Variants in GRB14 observed in about 807,000 individuals in gnomAD.
GRB14 encodes growth factor receptor-bound protein 14.
In GRB14, 38 loss-of-function variants were observed where a neutral mutation model predicts 69.1. The ratio of observed to expected loss-of-function variants is 0.55; its 90% CI spans 0.42 to 0.72. The LOEUF is 0.72. GRB14 is among the 30% of genes least tolerant of loss of function. GRB14 has a pLI of 0.00. For synonymous variants in GRB14, 247 were observed against 241.3 expected, an observed-to-expected ratio of 1.02 and a Z score of -0.22; for missense variants, 666 against 666.1, an observed-to-expected ratio of 1.00 and a Z score of 0.00.
chr2:164,527,034 C>T lies in GRB14; in HGVS notation c.583G>A (p.Glu195Lys). 1 of 1,598,168 alleles carries T rather than the reference C, an allele frequency of 6.3e-7. No individual in the cohort carries two copies. The highest frequency in any genetic ancestry group is 8.6e-7 in the Non-Finnish European group (1 of 1,168,928). ...CTTACCATTGGGTTTTTAAAGAACT[C>T]ATATTTGGCATAATTTTTTCTAAAG... ...LYFRKNYAKY[E>K]FFKNPMYFFP... The change falls in exon 4 of 14, where the codon GAG becomes AAG. Residue 195 changes from glutamate (E) to lysine (K), a missense_variant. Transcript: ENST00000263915.
At chr2:164,580,308 G>A (rs1689369198) in intron 2 of GRB14, among the ~76,000 whole-genome samples, 1 of 151,918 alleles carries the variant, frequency 6.6e-6, no homozygotes, top group Non-Finnish European at 1.5e-5. Context: ...GGCCAGGCTG[G>A]TCTCGAACTC....
chr2:164,548,054 T>C (rs914204443), intron 2 of GRB14, among the ~76,000 whole-genome samples: 2 of 152,180 alleles, frequency 1.3e-5, no homozygotes, highest in Non-Finnish European at 2.9e-5. Context: ...CCAAATTCAA[T>C]ACACTATTAT....
At chr2:164,595,381 A>G (rs1689758885) in intron 2 of GRB14, among the ~76,000 whole-genome samples, 1 of 152,278 alleles carries the variant, frequency 6.6e-6, no homozygotes. Flanking sequence ...TATACATGCT[A>G]TGAAAACAAA....
chr2:164,524,935 T>TA lies in GRB14; in HGVS notation c.678+68dup, dbSNP rs926263566. ...TAACTTTTCAAAATCTGGGCATGTA[T>TA]AAAAAAGGACTTAAAAGTTTTCCTT... is the stretch of plus-strand genomic sequence containing the variant. On this transcript the variant is annotated intron_variant, in intron 5 of 13. Coordinates refer to ENST00000263915, the MANE Select transcript of GRB14 (RefSeq NM_004490.3). 4 of 842,316 alleles carry TA rather than the reference T, an allele frequency of 4.7e-6. No individual in the cohort carries two copies. The African/African-American group carries it at 5.4e-5, about 11-fold the overall frequency. 52.2% of individuals were successfully genotyped at this position (842,316 alleles called of 1,614,324 possible).
At chr2:164,571,921 A>T (rs1263246191) in intron 2 of GRB14, among the ~76,000 whole-genome samples, 1 of 152,210 alleles carries the variant, frequency 6.6e-6, no homozygotes, top group African/African-American at 2.4e-5. Context: ...TTAGCATAAA[A>T]TGTCACATTC....
intron 2 of GRB14, among the ~76,000 whole-genome samples, chr2:164,589,299 T>C (rs1689605183): frequency 6.6e-6 from 1 of 152,354 alleles, no homozygotes; most frequent in East Asian, 1.9e-4. Context: ...AAGCTCTACT[T>C]TGCAGTTTCA....
intron 9 of GRB14, among the ~76,000 whole-genome samples, chr2:164,500,129 T>A (rs1396520933): frequency 6.6e-6 from 1 of 152,066 alleles, no homozygotes; most frequent in Non-Finnish European, 1.5e-5. Flanking sequence ...AGACTCGCCT[T>A]CCCCAACCCT....
At chr2:164,511,455 G>A (rs1460978707) in intron 6 of GRB14, among the ~76,000 whole-genome samples, 1 of 152,118 alleles carries the variant, frequency 6.6e-6, no homozygotes, top group African/African-American at 2.4e-5. Flanking sequence ...GAGTTGTGAG[G>A]CCCCTATTCA....
chr2:164,619,687 C>A lies in GRB14; in HGVS notation c.324G>T (p.Gln108His). 2 of 1,572,614 alleles carry A rather than the reference C, an allele frequency of 1.3e-6. No individual in the cohort carries two copies. The highest frequency in any genetic ancestry group is 1.4e-5 in the African/African-American group (1 of 72,430). Residue 108 changes from glutamine to histidine, a missense_variant and splice_region_variant, in exon 2 of 14, where the codon CAG becomes CAT. Gln to His is a conservative substitution (Grantham distance 24). Coordinates refer to ENST00000263915, the MANE Select transcript of GRB14 (RefSeq NM_004490.3). The stretch of plus-strand genomic sequence containing the variant: ...AAATTTAAAATTTAAAAATGCATAC[C>A]TGTTTTTTCCTTGAATTTGCTTTGG... ...LFPKANSRKK[Q>H]VIKVYSEDET...
chr2:164,493,219 A>T, intron 13 of GRB14, 37 bp from the exon 14 acceptor site: 1 of 1,591,452 alleles, frequency 6.3e-7, no homozygotes, highest in Non-Finnish European at 8.6e-7. Context: ...TAAAGAGGAT[A>T]AATTACACAG....
rs1480736490 is a variant in GRB14, at chr2:164,516,240, T to C, written c.816+5740A>G. Among the ~76,000 whole-genome samples, 6 of 152,028 alleles carry C rather than the reference T, an allele frequency of 3.9e-5. No individual in the cohort carries two copies. In the East Asian group the frequency reaches 9.7e-4, roughly 25 times the overall value. On this transcript the variant is annotated intron_variant, in intron 6 of 13. Transcript: ENST00000263915. ...ACACCTGGGAAATTAATCACAAAAATCATCACCTAGGGAAATAGTCATCAG... is the reference window on the plus strand; with the variant it reads ...ACACCTGGGAAATTAATCACAAAAACCATCACCTAGGGAAATAGTCATCAG...
chr2:164,572,831 GA>G (rs1222636267), intron 2 of GRB14, among the ~76,000 whole-genome samples: 1 of 152,122 alleles, frequency 6.6e-6, no homozygotes, highest in African/African-American at 2.4e-5. Context: ...AAGCAATAAG[GA>G]GATGTTTCTT....
intron 2 of GRB14, among the ~76,000 whole-genome samples, chr2:164,595,275 C>T (rs1358283309): frequency 6.6e-6 from 1 of 152,148 alleles, no homozygotes; most frequent in Non-Finnish European, 1.5e-5. Flanking sequence ...AAAGGCTCAG[C>T]GCTAACAATG....
At chr2:164,543,355 T>C (rs1407339225) in intron 3 of GRB14, among the ~76,000 whole-genome samples, 1 of 149,664 alleles carries the variant, frequency 6.7e-6, no homozygotes, top group East Asian at 2.0e-4. Context: ...TATGAAGCCA[T>C]AAAAAAAAGA....
At chr2:164,514,574 T>G (rs1687430118) in intron 6 of GRB14, among the ~76,000 whole-genome samples, 1 of 152,102 alleles carries the variant, frequency 6.6e-6, no homozygotes, top group South Asian at 2.1e-4. Context: ...AAGCCTTTTC[T>G]GACTGTCTCA....
At chr2:164,537,258 A>T (rs1688103571) in intron 3 of GRB14, among the ~76,000 whole-genome samples, 1 of 152,140 alleles carries the variant, frequency 6.6e-6, no homozygotes, top group Non-Finnish European at 1.5e-5. Context: ...TGCCATAAGT[A>T]TTTTTAAGAA....
At chr2:164,618,816 T>C (rs1459279519) in intron 2 of GRB14, among the ~76,000 whole-genome samples, 1 of 152,136 alleles carries the variant, frequency 6.6e-6, no homozygotes, top group Non-Finnish European at 1.5e-5. Context: ...TGGCCAACTG[T>C]CTTGTCCTCG....
At position 164,621,174 on chromosome 2, in the gene GRB14, G is replaced by T; in HGVS notation, c.136C>A (p.His46Asn). 1 of 1,244,058 alleles carries T rather than the reference G, an allele frequency of 8.0e-7. No homozygotes were observed. 77.1% of individuals were successfully genotyped at this position (1,244,058 alleles called of 1,614,324 possible). A position where few individuals can be genotyped will look rare whatever the true frequency, so the allele number is the denominator to read the frequency against. ...GGAAGGGGCAGGAGCGCTCGCGCGT[G>T]CAGCCAGGGGGCCGGCGCCAGGTCG... Reference protein sequence around the residue: ...AHDLAPAPWLHARALLPLPDG... With the variant: ...AHDLAPAPWLNARALLPLPDG... Residue 46 changes from histidine (H) to asparagine (N), a missense_variant, in exon 1 of 14, where the codon CAC (histidine) becomes AAC (asparagine). Coordinates refer to ENST00000263915, the MANE Select transcript of GRB14 (RefSeq NM_004490.3). The surrounding 1 kb of genome is among the most constrained non-coding windows in gnomAD (Gnocchi z 6.0).
rs528198358 is a variant in GRB14, at chr2:164,559,993, A to G, written c.325-12177T>C. ...TACTGTTTAGAATCATAAAATACTA[A>G]AGGTTAGAAGGGTTCCTGGAGAACA... On this transcript the variant is annotated intron_variant, in intron 2 of 13. Transcript: ENST00000263915. 2.0e-5 allele frequency among the ~76,000 whole-genome samples: 3 copies of G among 152,298 alleles called. No homozygotes were observed. In the South Asian group the frequency reaches 6.2e-4, roughly 32 times the overall value.
Sources: allele counts gnomAD v4.1 joint callset (sites outside exome capture counted in the v4.1 genomes callset), GRCh38; gene constraint gnomAD v4.1.1; non-coding constraint Gnocchi (gnomAD v3.1); transcripts MANE v1.5; gene names NCBI Gene and HGNC (gene_info 2026-07-23, HGNC 2026-07-21).